Variants in SMOC2 observed in about 807,000 individuals in gnomAD.
SMOC2 encodes SPARC related modular calcium binding 2.
SMOC2 carries 39 observed loss-of-function variants against 61.4 expected under a neutral mutation model. The ratio of observed to expected loss-of-function variants is 0.64; its 90% CI spans 0.49 to 0.83. The LOEUF (loss-of-function observed/expected upper bound fraction) is 0.83. Among genes scored for constraint, SMOC2 ranks in the 40% least tolerant of loss-of-function variants. The pLI is 0.00. For synonymous variants in SMOC2, 247 were observed against 239.9 expected, an observed-to-expected ratio of 1.03 and a Z score of -0.27; for missense variants, 556 against 592.9, an observed-to-expected ratio of 0.94 and a Z score of 0.65.
chr6:168,531,012 C>T (rs565870990), intron 4 of SMOC2, among the ~76,000 whole-genome samples: 20 of 152,224 alleles, frequency 1.3e-4, no homozygotes, highest in African/African-American at 4.6e-4. Context: ...TCAGTGGTGC[C>T]GTGCGCTAAT....
chr6:168,569,017 T>C (rs780127068), intron 7 of SMOC2, among the ~76,000 whole-genome samples: 5 of 152,214 alleles, frequency 3.3e-5, no homozygotes, highest in South Asian at 2.1e-4. Flanking sequence ...GAAACACTCA[T>C]ATGTAGGTTT....
chr6:168,563,822 C>T (rs1784480471), intron 7 of SMOC2, among the ~76,000 whole-genome samples: 1 of 152,130 alleles, frequency 6.6e-6, no homozygotes, highest in Admixed American at 6.5e-5. Flanking sequence ...AGCACAGCAG[C>T]ACAGGCCCGC....
chr6:168,525,953 G>A (rs1289734122), intron 2 of SMOC2, among the ~76,000 whole-genome samples: 1 of 152,070 alleles, frequency 6.6e-6, no homozygotes, highest in Admixed American at 6.6e-5. Flanking sequence ...GTGTTCAGGT[G>A]GTCGTCCTTG....
chr6:168,441,829 T>C (rs1231300380), intron 1 of SMOC2, among the ~76,000 whole-genome samples: 3 of 152,154 alleles, frequency 2.0e-5, no homozygotes, highest in African/African-American at 7.2e-5. Flanking sequence ...TGTCCCGCAC[T>C]CACTGCTGGG....
chr6:168,488,593 G>A (rs1464091631), intron 1 of SMOC2, among the ~76,000 whole-genome samples: 1 of 152,196 alleles, frequency 6.6e-6, no homozygotes, highest in Non-Finnish European at 1.5e-5. Flanking sequence ...TAACATTTTC[G>A]CAGGAGGCAG....
At chr6:168,552,656 A>G (rs1044329312) in intron 7 of SMOC2, among the ~76,000 whole-genome samples, 2 of 152,266 alleles carry the variant, frequency 1.3e-5, no homozygotes, top group Admixed American at 1.3e-4. Context: ...GTCTTTTAAA[A>G]GGGACTATTT....
chr6:168,463,551 G>C (rs144025192), intron 1 of SMOC2, among the ~76,000 whole-genome samples: 1 of 152,200 alleles, frequency 6.6e-6, no homozygotes, highest in Non-Finnish European at 1.5e-5. Flanking sequence ...GATGTGGGGA[G>C]TGATGTATCC....
rs753853250 is a variant in SMOC2 at position 168,592,706 on chromosome 6, GCTC to G, written c.638-6103_638-6101del. On this transcript the variant is annotated intron_variant, in intron 7 of 12. Transcript: ENST00000356284. The stretch of plus-strand genomic sequence containing the variant: ...GGGCATCTTTCTAGAGGATGGCCGA[GCTC>G]CTCCTCCTTCCTGAGGCCTCACGGG... 1.1e-3 allele frequency among the ~76,000 whole-genome samples: 68 copies of G among 62,860 alleles called. 1 individual carries two copies. Among genetic ancestry groups the G allele is most frequent in the East Asian group, 1.8e-3 (4 of 2,224 alleles). The allele number at this position is 62,860 out of a possible 152,430, so 41.2% of individuals were successfully genotyped here.
rs146048580 is a variant in SMOC2, at chr6:168,630,327, C to T, written c.908-20354C>T. On this transcript the variant is annotated intron_variant, in intron 9 of 12. Coordinates refer to ENST00000356284, the MANE Select transcript of SMOC2 (RefSeq NM_001166412.2). Reference sequence around the variant, plus strand: ...GATTTTATGGACATTTGTTAGTTCCCCAAATTAATACTTTTATAATTTCTT... The same window carrying T: ...GATTTTATGGACATTTGTTAGTTCCTCAAATTAATACTTTTATAATTTCTT... 3.4e-3 allele frequency among the ~76,000 whole-genome samples: 515 copies of T among 152,294 alleles called. 3 individuals are homozygous for T. The highest frequency in any genetic ancestry group is 0.011 in the African/African-American group (476 of 41,550).
In SMOC2 at chr6:168,452,376, G is replaced by A. The variant is rs900308552; in HGVS notation, c.84+10922G>A. On this transcript the variant is annotated intron_variant, in intron 1 of 12. Transcript: ENST00000356284. This position sits in a 1 kb window ranked among gnomAD's most constrained non-coding sequence, Gnocchi z 5.0. ...AATAACCAGAGTAAGCAGGGGGAGT[G>A]TGAGGCGGGCTGCCTGCCTGGGGCC... Among the ~76,000 whole-genome samples the A allele has an allele frequency of 6.6e-6, 1 of 152,330 alleles. No individual in the cohort carries two copies. Among genetic ancestry groups the A allele is most frequent in the African/African-American group, 2.4e-5 (1 of 41,578 alleles).
At chr6:168,515,075 G>C (rs954771187) in intron 2 of SMOC2, among the ~76,000 whole-genome samples, 32 of 152,168 alleles carry the variant, frequency 2.1e-4, no homozygotes, top group African/African-American at 6.3e-4. Context: ...ATCCTTGTTA[G>C]TTTATTTGTA....
intron 7 of SMOC2, among the ~76,000 whole-genome samples, chr6:168,582,648 G>C (rs1485842594): frequency 6.6e-6 from 1 of 152,216 alleles, no homozygotes; most frequent in African/African-American, 2.4e-5. Context: ...GCTTTCTTTG[G>C]ACGGTCCACC....
At chr6:168,536,032 G>A (rs547503013) in intron 4 of SMOC2, among the ~76,000 whole-genome samples, 5 of 152,328 alleles carry the variant, frequency 3.3e-5, no homozygotes, top group African/African-American at 4.8e-5. Flanking sequence ...AACCTCACTC[G>A]GAGGGCCTGA....
rs549865786 is a variant in SMOC2 at position 168,660,268 on chromosome 6, T to C, written c.1286-3806T>C. On this transcript the variant is annotated intron_variant, in intron 11 of 12. Transcript: ENST00000356284. ...AGCTAAATCCCCTAGACAATCTCTT[T>C]GGAAGGTGGCAGCACCATACAGACA... Among the ~76,000 whole-genome samples the C allele has an allele frequency of 1.4e-4, 22 of 152,250 alleles. No individual in the cohort carries two copies. In the South Asian group the frequency reaches 4.6e-3, roughly 31 times the overall value.
intron 1 of SMOC2, among the ~76,000 whole-genome samples, chr6:168,477,858 C>T (rs1324629370): frequency 2.0e-5 from 3 of 152,118 alleles, no homozygotes; most frequent in East Asian, 1.9e-4. Context: ...TGCAGCACTG[C>T]GTATTCTACA....
At chr6:168,657,053 G>C (rs1383723805) in intron 11 of SMOC2, among the ~76,000 whole-genome samples, 2 of 152,208 alleles carry the variant, frequency 1.3e-5, no homozygotes, top group African/African-American at 2.4e-5. Context: ...AGACAAAAAA[G>C]AAAAGAAATC....
chr6:168,543,209 A>C (rs1783912626), intron 4 of SMOC2, among the ~76,000 whole-genome samples: 1 of 152,240 alleles, frequency 6.6e-6, no homozygotes, highest in Admixed American at 6.5e-5. Flanking sequence ...ATAAATCAGA[A>C]TCAAGCTGAA....
intron 9 of SMOC2, among the ~76,000 whole-genome samples, chr6:168,617,785 C>T (rs1027619086): frequency 1.3e-5 from 2 of 152,210 alleles, no homozygotes; most frequent in African/African-American, 2.4e-5. Flanking sequence ...TTGTTGTGAC[C>T]GATGGGGCCC....
intron 2 of SMOC2, among the ~76,000 whole-genome samples, chr6:168,513,250 A>G (rs1297561047): frequency 6.6e-6 from 1 of 152,236 alleles, no homozygotes; most frequent in African/African-American, 2.4e-5. Flanking sequence ...TTCCCTAAGC[A>G]TCCATTCTTA....
Sources: gnomAD v4.1 joint callset for allele counts (sites outside exome capture counted in the v4.1 genomes callset) on GRCh38, gnomAD v4.1.1 for gene constraint, Gnocchi (gnomAD v3.1) non-coding constraint, MANE v1.5 for transcripts, NCBI Gene and HGNC (gene_info 2026-07-23, HGNC 2026-07-21) for gene names.